NEK2: variants seen among roughly 807,000 people sequenced by gnomAD.
The protein encoded by NEK2 is NIMA related kinase 2.
In NEK2, 28 loss-of-function variants were observed where a neutral mutation model predicts 54.1. The observed-to-expected ratio is 0.52, with a 90% CI of 0.38 to 0.71. NEK2 has a LOEUF of 0.71. Ranked by LOEUF, NEK2 falls within the 30% of genes least tolerant of loss-of-function variation. NEK2 has a pLI of 0.00. For missense variants in NEK2, 407 were observed against 531.5 expected (o/e 0.77, Z 2.30); for synonymous variants, 176 against 193.1 (o/e 0.91, Z 0.73).
At chr1:211,663,929 ACT>A (rs1191110941) in intron 7 of NEK2, among the ~76,000 whole-genome samples, 1 of 152,158 alleles carries the variant, frequency 6.6e-6, no homozygotes, top group Admixed American at 6.5e-5. Context: ...TCTTAAACAC[ACT>A]GAGTATTATG....
At position 211,675,409 on chromosome 1, in the gene NEK2, T is replaced by A. The variant is rs1655550535; in HGVS notation, c.71A>T (p.Lys24Met). ...CTTGCCATCACTCTTCCTCCGGATCTTCTGGCAGCGGCCGTAGGAGCCTGT... is the reference window on the plus strand; with the variant it reads ...CTTGCCATCACTCTTCCTCCGGATCATCTGGCAGCGGCCGTAGGAGCCTGT... ...IGTGSYGRCQ[K>M]IRRKSDGKIL... The change falls in exon 1 of 8, where the codon AAG (lysine) becomes ATG (methionine). Residue 24 changes from lysine to methionine, a missense_variant. Physicochemically the swap from Lys to Met is moderately conservative, Grantham distance 95. Transcript: ENST00000366999. 6.2e-7 allele frequency: 1 copy of A among 1,613,814 alleles called. No individual in the cohort carries two copies. Among genetic ancestry groups the A allele is most frequent in the Admixed American group, 1.7e-5 (1 of 59,996 alleles).
chr1:211,674,749 C>T (rs1215802693), intron 1 of NEK2, among the ~76,000 whole-genome samples: 1 of 152,086 alleles, frequency 6.6e-6, no homozygotes, highest in Non-Finnish European at 1.5e-5. Context: ...CATGAGGACT[C>T]CCCCAACCCC....
intron 7 of NEK2, among the ~76,000 whole-genome samples, chr1:211,666,110 G>T (rs1655170680): frequency 6.6e-6 from 1 of 152,180 alleles, no homozygotes; most frequent in African/African-American, 2.4e-5. Context: ...TAGATTGAGG[G>T]TTTCTATAAA....
chr1:211,669,443 C>A, intron 5 of NEK2, 111 bp from the exon 6 acceptor site: 5 of 955,486 alleles, frequency 5.2e-6, no homozygotes, highest in Non-Finnish European at 7.8e-6. Flanking sequence ...AAAGAAAGGA[C>A]TCCTTTATGG....
chr1:211,665,244 G>A (rs1655140507), intron 7 of NEK2, among the ~76,000 whole-genome samples: 1 of 152,102 alleles, frequency 6.6e-6, no homozygotes, highest in South Asian at 2.1e-4. Context: ...GCTCCCCACT[G>A]CTATGATGCT....
downstream of NEK2, among the ~76,000 whole-genome samples, chr1:211,659,116 C>A (rs899094197): frequency 1.3e-5 from 2 of 151,412 alleles, no homozygotes; most frequent in African/African-American, 4.9e-5. Flanking sequence ...AGTCTCTACA[C>A]AAATTATGCC....
intron 3 of NEK2, among the ~76,000 whole-genome samples, chr1:211,671,627 G>GTATC (rs1247938627): frequency 6.6e-6 from 1 of 152,188 alleles, no homozygotes; most frequent in Admixed American, 6.5e-5. Flanking sequence ...GTCAAAATAT[G>GTATC]TATCTAGTCC....
rs374227878 is a variant in NEK2, at chr1:211,668,031, A to G, written c.986-800T>C. ...ACTGCACTTCAGCCTGGGCAACAAG[A>G]GTGAAATTCCATCTCAAAAAAAAAA... On this transcript the variant is annotated intron_variant, in intron 6 of 7. Coordinates refer to ENST00000366999, the MANE Select transcript of NEK2 (RefSeq NM_002497.4). Among the ~76,000 whole-genome samples, 4 of 151,800 alleles carry G rather than the reference A, an allele frequency of 2.6e-5. No homozygotes were observed. In the East Asian group the frequency reaches 5.8e-4, roughly 22 times the overall value.
chr1:211,673,309 G>A (rs567220980), intron 3 of NEK2, among the ~76,000 whole-genome samples, 174 bp downstream of exon 3: 11 of 152,130 alleles, frequency 7.2e-5, no homozygotes, highest in Non-Finnish European at 1.5e-4. Flanking sequence ...CTCTACTTAG[G>A]AGGCTGATGC....
intron 6 of NEK2, 103 bp downstream of exon 6, chr1:211,669,010 T>C: frequency 9.2e-7 from 1 of 1,084,708 alleles, no homozygotes; most frequent in East Asian, 2.4e-5. Context: ...AAGCTTCTAA[T>C]AAGATCTGTA....
At chr1:211,658,937 G>T (rs57154313), downstream of NEK2, among the ~76,000 whole-genome samples, 845 of 152,120 alleles carry the variant, frequency 5.6e-3, 7 homozygotes, top group African/African-American at 0.019. Context: ...AAAGAGCCAA[G>T]ATGTTCAAAC....
chr1:211,665,397 T>C (rs1412986441), intron 7 of NEK2, among the ~76,000 whole-genome samples: 1 of 152,246 alleles, frequency 6.6e-6, no homozygotes, highest in East Asian at 1.9e-4. Flanking sequence ...TACTTATCTG[T>C]GTATCCTATA....
At chr1:211,674,161 G>T in intron 2 of NEK2, 135 bp downstream of exon 2, 2 of 687,908 alleles carry the variant, frequency 2.9e-6, no homozygotes, top group Non-Finnish European at 4.8e-6. Flanking sequence ...GATTCACCAG[G>T]AATTTTCTAA....
rs1655560831 is a variant in NEK2, at chr1:211,675,598, C to G, written c.-119G>C. The G allele has an allele frequency of 4.1e-6, 3 of 737,508 alleles. No homozygotes were observed. The highest frequency in any genetic ancestry group is 6.8e-6 in the Non-Finnish European group (3 of 439,856). The allele number at this position is 737,508 out of a possible 1,614,324, so 45.7% of individuals were successfully genotyped here. A position where few individuals can be genotyped will look rare whatever the true frequency, so the allele number is the denominator to read the frequency against. On this transcript the variant is annotated 5_prime_UTR_variant, in exon 1 of 8. Coordinates refer to ENST00000366999, the MANE Select transcript of NEK2 (RefSeq NM_002497.4). ...GAAGCCCCCGAGCAGCACTGACCCGCCACCCCTGCCTTGGGCCCCGTTTAA... is the reference window on the plus strand; with the variant it reads ...GAAGCCCCCGAGCAGCACTGACCCGGCACCCCTGCCTTGGGCCCCGTTTAA...
At chr1:211,661,382 G>A, downstream of NEK2, 3 of 319,034 alleles carry the variant, frequency 9.4e-6, no homozygotes, top group South Asian at 4.0e-5. Context: ...GGGCTGAATG[G>A]AAAAAAAACA....
chr1:211,670,535 A>G, intron 4 of NEK2, 128 bp from the exon 5 acceptor site: 2 of 1,100,214 alleles, frequency 1.8e-6, no homozygotes, highest in Non-Finnish European at 2.6e-6. Flanking sequence ...TACTTCTGGG[A>G]TTTTCTTCTT....
chr1:211,672,235 ACT>A (rs1655413612), intron 3 of NEK2, among the ~76,000 whole-genome samples: 1 of 152,246 alleles, frequency 6.6e-6, no homozygotes, highest in African/African-American at 2.4e-5. Context: ...ATCACAATTG[ACT>A]TAAACTTTTT....
chr1:211,660,946 T>C (rs1394710535), downstream of NEK2: 6 of 746,538 alleles, frequency 8.0e-6, no homozygotes, highest in South Asian at 6.8e-5. Context: ...CGTGATGTCA[T>C]CTACCACGAG....
At chr1:211,661,533 A>G (rs368284360), downstream of NEK2, among the ~76,000 whole-genome samples, 3 of 152,370 alleles carry the variant, frequency 2.0e-5, no homozygotes, top group East Asian at 5.8e-4. Flanking sequence ...AATTGTTTAA[A>G]TGACTAGATA....
Sources: allele counts gnomAD v4.1 joint callset (sites outside exome capture counted in the v4.1 genomes callset), GRCh38; gene constraint gnomAD v4.1.1; transcripts MANE v1.5; gene names NCBI Gene and HGNC (gene_info 2026-07-23, HGNC 2026-07-21).